Variants in PARD3 observed in about 807,000 individuals in gnomAD.
PARD3 encodes the protein partitioning defective 3 homolog.
Under a neutral mutation model 155.4 loss-of-function variants are expected in PARD3, and 75 were observed. The observed-to-expected ratio is 0.48, with a 90% CI of 0.40 to 0.58. The LOEUF is 0.58. Among genes scored for constraint, PARD3 ranks in the 20% least tolerant of loss-of-function variants. PARD3 has a pLI of 0.00. For synonymous variants in PARD3, 576 were observed against 610.5 expected (o/e 0.94, Z 0.83); for missense variants, 1,642 against 1,721.7 (o/e 0.95, Z 0.82).
chr10:34,717,267 G>T (rs1262037559), intron 1 of PARD3, among the ~76,000 whole-genome samples: 1 of 152,098 alleles, frequency 6.6e-6, no homozygotes, highest in African/African-American at 2.4e-5. Context: ...AGAAATGAGG[G>T]AGTTGGATGG....
rs569955602 is a variant in PARD3, at chr10:34,341,071, T to C, written c.2408+556A>G. On this transcript the variant is annotated intron_variant, in intron 16 of 24. Transcript: ENST00000374788. ...CACACATTGGCTCAGTAGTATCAAA[T>C]GCTTTCTTCTATTTTGAAAGACACA... is the stretch of plus-strand genomic sequence containing the variant. Among the ~76,000 whole-genome samples the C allele has an allele frequency of 2.0e-5, 3 of 151,832 alleles. 1 individual carries two copies. The highest frequency in any genetic ancestry group is 4.4e-5 in the Non-Finnish European group (3 of 68,000).
At chr10:34,371,499 A>C (rs1288656243) in intron 12 of PARD3, among the ~76,000 whole-genome samples, 7 of 63,486 alleles carry the variant, frequency 1.1e-4, no homozygotes, top group African/African-American at 6.5e-4. Context: ...AAAAAAAAAA[A>C]AAAAAAAAAA....
chr10:34,559,655 A>G (rs2033750161), intron 2 of PARD3, among the ~76,000 whole-genome samples: 1 of 152,204 alleles, frequency 6.6e-6, no homozygotes, highest in African/African-American at 2.4e-5. Flanking sequence ...CCCACTCATC[A>G]ATGCCACAAT....
intron 23 of PARD3, among the ~76,000 whole-genome samples, chr10:34,127,604 T>G (rs778049337): frequency 3.3e-5 from 5 of 152,194 alleles, no homozygotes; most frequent in Admixed American, 1.3e-4. Flanking sequence ...AATAATTAGT[T>G]AAAGAGTAAA....
At chr10:34,177,506 C>A (rs1950085353) in intron 22 of PARD3, among the ~76,000 whole-genome samples, 1 of 152,192 alleles carries the variant, frequency 6.6e-6, no homozygotes, top group African/African-American at 2.4e-5. Context: ...CTACCTTAGA[C>A]AAAGTAATTA....
At chr10:34,680,633 G>C (rs901366098) in intron 2 of PARD3, among the ~76,000 whole-genome samples, 5 of 151,532 alleles carry the variant, frequency 3.3e-5, no homozygotes, top group African/African-American at 1.2e-4. Flanking sequence ...AAACGTTCAA[G>C]GTAACAAGAG....
intron 22 of PARD3, among the ~76,000 whole-genome samples, chr10:34,219,263 G>GCCA (rs1181522143): frequency 3.9e-5 from 6 of 152,108 alleles, no homozygotes; most frequent in African/African-American, 1.4e-4. Flanking sequence ...GAGGGGCCTG[G>GCCA]CAGTAGGAAA....
rs1293694881 is a variant in PARD3 at position 34,382,721 on chromosome 10, G to A, written c.1218C>T (p.Pro406=). Residue 406 remains proline, a synonymous_variant, in exon 9 of 25, where the codon CCC becomes CCT. Transcript: ENST00000374788. ...TCTGCTCAGGCGGGTGGTTCAGTCG[G>A]GGTGCTCTCTGCACCGTGTGAAGCC... The part of the protein sequence containing the change: ...SAGLHTVQRA[P]RLNHPPEQID... The A allele has an allele frequency of 6.2e-7, 1 of 1,614,158 alleles. No homozygotes were observed. Among genetic ancestry groups the A allele is most frequent in the Admixed American group, 1.7e-5 (1 of 60,014 alleles).
At chr10:34,171,158 A>G (rs140086725) in intron 22 of PARD3, among the ~76,000 whole-genome samples, 37 of 152,378 alleles carry the variant, frequency 2.4e-4, no homozygotes, top group African/African-American at 8.4e-4. Context: ...GATGGTATCC[A>G]TACAATCATT....
At chr10:34,562,148 A>AAAAT (rs2085538071) in intron 2 of PARD3, among the ~76,000 whole-genome samples, 1 of 145,940 alleles carries the variant, frequency 6.9e-6, no homozygotes, top group African/African-American at 2.7e-5. Flanking sequence ...AAAAAAAAAA[A>AAAAT]AAAAGGCTTG....
chr10:34,532,479 G>A (rs2082926396), intron 2 of PARD3, among the ~76,000 whole-genome samples: 1 of 151,980 alleles, frequency 6.6e-6, no homozygotes, highest in African/African-American at 2.4e-5. Context: ...TTATTCTTTT[G>A]TTCACACCAT....
chr10:34,457,618 T>C (rs925249937), intron 4 of PARD3, among the ~76,000 whole-genome samples: 2 of 152,126 alleles, frequency 1.3e-5, no homozygotes, highest in African/African-American at 4.8e-5. Flanking sequence ...TTTCTTTTTT[T>C]GAGACAGGGT....
chr10:34,428,632 G>A (rs1028570796), intron 5 of PARD3, among the ~76,000 whole-genome samples: 1 of 152,142 alleles, frequency 6.6e-6, no homozygotes, highest in Non-Finnish European at 1.5e-5. Flanking sequence ...GAAAGAAGAC[G>A]ACAACAGCTG....
At chr10:34,648,985 C>T (rs2092926865) in intron 2 of PARD3, among the ~76,000 whole-genome samples, 1 of 152,132 alleles carries the variant, frequency 6.6e-6, no homozygotes, top group African/African-American at 2.4e-5. Flanking sequence ...TGTGGAGCTA[C>T]GTCTGCTAAG....
At chr10:34,748,090 G>A (rs945811784) in intron 1 of PARD3, among the ~76,000 whole-genome samples, 9 of 152,210 alleles carry the variant, frequency 5.9e-5, no homozygotes, top group Admixed American at 3.9e-4. Flanking sequence ...AGAAAATGCG[G>A]GAGGAGGTGT....
intron 1 of PARD3, among the ~76,000 whole-genome samples, chr10:34,754,539 T>A (rs961184878): frequency 6.6e-6 from 1 of 152,230 alleles, no homozygotes; most frequent in African/African-American, 2.4e-5. Flanking sequence ...AATACTCAAA[T>A]ACTTTATTAA....
intron 19 of PARD3, among the ~76,000 whole-genome samples, chr10:34,330,283 T>C (rs960943804): frequency 6.6e-6 from 1 of 152,162 alleles, no homozygotes; most frequent in Non-Finnish European, 1.5e-5. Context: ...TAATAGAATG[T>C]TTACTTTAAT....
intron 22 of PARD3, among the ~76,000 whole-genome samples, chr10:34,265,830 C>T (rs1955273963): frequency 6.6e-6 from 1 of 152,166 alleles, no homozygotes; most frequent in Non-Finnish European, 1.5e-5. Flanking sequence ...ACTTCGTGCA[C>T]ACATGATGCC....
At chr10:34,564,591 G>A (rs957071565) in intron 2 of PARD3, among the ~76,000 whole-genome samples, 8 of 152,186 alleles carry the variant, frequency 5.3e-5, no homozygotes, top group African/African-American at 1.4e-4. Flanking sequence ...AAGAGCTAGC[G>A]AAGAGGCAGA....
Sources: allele counts gnomAD v4.1 joint callset (sites outside exome capture counted in the v4.1 genomes callset), GRCh38; gene constraint gnomAD v4.1.1; transcripts MANE v1.5; gene names NCBI Gene and HGNC (gene_info 2026-07-23, HGNC 2026-07-21).